Variants in SMYD3 observed in about 807,000 individuals in gnomAD.
SMYD3 encodes the protein SET and MYND domain containing 3.
A neutral mutation model predicts 57.7 loss-of-function variants in SMYD3; 36 were observed. The ratio of observed to expected loss-of-function variants is 0.62; its 90% CI spans 0.48 to 0.82. The LOEUF (loss-of-function observed/expected upper bound fraction) is 0.82. Ranked by LOEUF, SMYD3 falls within the 40% of genes least tolerant of loss-of-function variation. The pLI is 0.00. For synonymous variants in SMYD3, 211 were observed against 195.0 expected (o/e 1.08, Z -0.68); for missense variants, 515 against 538.8 (o/e 0.96, Z 0.44).
chr1:246,455,662 C>A (rs904973913), intron 1 of SMYD3, among the ~76,000 whole-genome samples: 6 of 152,204 alleles, frequency 3.9e-5, no homozygotes, highest in Admixed American at 1.3e-4. Context: ...TAGGTTATTA[C>A]CCATGATAAA....
intron 5 of SMYD3, among the ~76,000 whole-genome samples, chr1:245,943,784 A>G (rs2057340316): frequency 6.6e-6 from 1 of 152,208 alleles, no homozygotes; most frequent in South Asian, 2.1e-4. Context: ...CTTACCCACC[A>G]TGATCAAGTA....
intron 11 of SMYD3, among the ~76,000 whole-genome samples, chr1:245,760,164 G>A (rs1160628207): frequency 6.6e-6 from 1 of 152,168 alleles, no homozygotes; most frequent in African/African-American, 2.4e-5. Context: ...GGAGGAGGCT[G>A]GAGCCTAACT....
At chr1:246,003,125 C>G (rs528362594) in intron 5 of SMYD3, among the ~76,000 whole-genome samples, 1 of 152,120 alleles carries the variant, frequency 6.6e-6, no homozygotes, top group African/African-American at 2.4e-5. Context: ...GAGGGAAAGA[C>G]GGTAAAGGGG....
chr1:245,782,893 G>A (rs1572324623), intron 10 of SMYD3, among the ~76,000 whole-genome samples: 2 of 152,172 alleles, frequency 1.3e-5, no homozygotes, highest in African/African-American at 2.4e-5. Flanking sequence ...CGCTATGAGG[G>A]TAAGACTGCC....
intron 1 of SMYD3, among the ~76,000 whole-genome samples, chr1:246,393,824 C>T (rs963426453): frequency 9.2e-5 from 14 of 152,194 alleles, no homozygotes; most frequent in Middle Eastern, 3.4e-3. Context: ...CACTGCACTC[C>T]GGCCTGTGCA....
intron 5 of SMYD3, among the ~76,000 whole-genome samples, chr1:246,170,554 G>A (rs1247292098): frequency 3.3e-5 from 5 of 151,204 alleles, no homozygotes; most frequent in East Asian, 1.9e-4. Flanking sequence ...TTTTTGACTC[G>A]ATAAATATTT....
intron 5 of SMYD3, among the ~76,000 whole-genome samples, chr1:246,167,875 G>A (rs2062249143): frequency 6.6e-6 from 1 of 152,142 alleles, no homozygotes; most frequent in Admixed American, 6.5e-5. Context: ...TCACGTGCTT[G>A]TCGGCCATTT....
chr1:245,838,804 A>C (rs536863733), intron 10 of SMYD3, among the ~76,000 whole-genome samples: 2 of 152,226 alleles, frequency 1.3e-5, no homozygotes, highest in East Asian at 3.9e-4. Context: ...ATTACTCTAT[A>C]AATCTGTAAT....
chr1:246,333,015 T>A (rs914461440), intron 3 of SMYD3, among the ~76,000 whole-genome samples: 1 of 152,224 alleles, frequency 6.6e-6, no homozygotes, highest in African/African-American at 2.4e-5. Context: ...ATTCAATGCC[T>A]GGCTTCAAAG....
chr1:246,232,012 G>A (rs1272084142), intron 5 of SMYD3, among the ~76,000 whole-genome samples: 1 of 152,152 alleles, frequency 6.6e-6, no homozygotes, highest in Non-Finnish European at 1.5e-5. Context: ...CAGGAGAAGC[G>A]CAGCATTTAT....
intron 5 of SMYD3, among the ~76,000 whole-genome samples, chr1:246,220,684 G>C (rs2063239646): frequency 6.6e-6 from 1 of 152,198 alleles, no homozygotes; most frequent in Non-Finnish European, 1.5e-5. Flanking sequence ...AGGCCCCATT[G>C]TCAAGCCAGG....
intron 1 of SMYD3, among the ~76,000 whole-genome samples, chr1:246,501,710 G>C (rs2068457229): frequency 6.6e-6 from 1 of 152,096 alleles, no homozygotes. Flanking sequence ...AGCAATCCTA[G>C]GTAAATCCAG....
chr1:245,752,774 C>G (rs1378616140), intron 11 of SMYD3, among the ~76,000 whole-genome samples: 1 of 152,168 alleles, frequency 6.6e-6, no homozygotes, highest in Non-Finnish European at 1.5e-5. Flanking sequence ...AGCTTCACAT[C>G]CACACCTCAC....
intron 5 of SMYD3, chr1:246,322,441 G>A (rs532327849): frequency 1.1e-4 from 17 of 151,914 alleles, no homozygotes; most frequent in African/African-American, 4.1e-4. Flanking sequence ...AAAAAAAAGT[G>A]TGTGGTAGAG....
chr1:245,769,533 C>T (rs551288284), intron 10 of SMYD3, among the ~76,000 whole-genome samples: 6 of 152,192 alleles, frequency 3.9e-5, no homozygotes, highest in South Asian at 4.2e-4. Flanking sequence ...AAGATGGTAG[C>T]GGGAGAAGAA....
intron 8 of SMYD3, among the ~76,000 whole-genome samples, chr1:245,888,936 A>G (rs2053232249): frequency 1.3e-5 from 2 of 152,206 alleles, no homozygotes; most frequent in African/African-American, 4.8e-5. Context: ...GCTGCATTAC[A>G]TACTCCCTGT....
intron 10 of SMYD3, among the ~76,000 whole-genome samples, chr1:245,817,278 C>T (rs1167570177): frequency 6.3e-5 from 9 of 142,774 alleles, no homozygotes; most frequent in East Asian, 4.1e-4. Context: ...CACCCCCCAG[C>T]AGGGGCACAC....
At chr1:245,761,703 G>T (rs532875266) in intron 11 of SMYD3, among the ~76,000 whole-genome samples, 1 of 151,886 alleles carries the variant, frequency 6.6e-6, no homozygotes, top group South Asian at 2.1e-4. Flanking sequence ...TAGAGGAAAA[G>T]AGCAGAGCCT....
At chr1:246,271,806 A>AT (rs956808411) in intron 5 of SMYD3, among the ~76,000 whole-genome samples, 15 of 151,666 alleles carry the variant, frequency 9.9e-5, no homozygotes, top group Admixed American at 1.3e-4. Flanking sequence ...TAAATTTTAG[A>AT]TTTTTTTTTC....
Sources: gnomAD v4.1 joint callset for allele counts (sites outside exome capture counted in the v4.1 genomes callset) on GRCh38, gnomAD v4.1.1 for gene constraint, MANE v1.5 for transcripts, NCBI Gene and HGNC (gene_info 2026-07-23, HGNC 2026-07-21) for gene names.